The following TJP3 variants were observed in gnomAD, a reference collection of about 807,000 sequenced individuals.
TJP3 encodes tight junction protein 3.
Under a neutral mutation model 104.2 loss-of-function variants are expected in TJP3, and 85 were observed. The observed-to-expected ratio is 0.82, with a 90% CI of 0.68 to 0.98. TJP3 has a LOEUF of 0.98. Ranked by LOEUF, TJP3 falls within the 50% of genes least tolerant of loss-of-function variation. TJP3 has a pLI of 0.00. For synonymous variants in TJP3, 550 were observed against 550.6 expected, an observed-to-expected ratio of 1.00 and a Z score of 0.02; for missense variants, 1,367 against 1,322.8, an observed-to-expected ratio of 1.03 and a Z score of -0.52.
At chr19:3,731,878 G>A (rs1260659217) in intron 5 of TJP3, 57 bp from the exon 6 acceptor site, 19 of 1,477,274 alleles carry the variant, frequency 1.3e-5, no homozygotes, top group Non-Finnish European at 1.8e-5. Flanking sequence ...GCAGGAGAAT[G>A]CTCCCAGGCA....
intron 13 of TJP3, 46 bp from the exon 14 acceptor site, chr19:3,740,506 C>T: frequency 8.0e-7 from 1 of 1,254,118 alleles, no homozygotes; most frequent in Non-Finnish European, 1.0e-6. Context: ...TTGGGGCCAC[C>T]ATGCTGCTGA....
At chr19:3,717,918 T>TTA (rs1555736927) in intron 1 of TJP3, among the ~76,000 whole-genome samples, 4 of 132,394 alleles carry the variant, frequency 3.0e-5, no homozygotes, top group Non-Finnish European at 4.7e-5. Context: ...ACTGGCTAAT[T>TTA]AAAAAAAAAA....
chr19:3,742,957 ACT>A lies in TJP3; in HGVS notation c.1844-979_1844-978del, dbSNP rs1404135090. 3.5e-5 allele frequency among the ~76,000 whole-genome samples: 5 copies of A among 143,858 alleles called. No homozygotes were observed. The Admixed American group carries it at 3.5e-4, about 10-fold the overall frequency. The allele number at this position is 143,858 out of a possible 152,430, so 94.4% of individuals were successfully genotyped here. ...CCGCCAGCCTCGGTGACACAGCAAG[ACT>A]CTGTCTCAAAAAAATAAGTAAATAG... On this transcript the variant is annotated intron_variant, in intron 14 of 20. Transcript: ENST00000541714.
chr19:3,722,119 G>A (rs1252881734), intron 1 of TJP3, among the ~76,000 whole-genome samples: 1 of 152,162 alleles, frequency 6.6e-6, no homozygotes, highest in East Asian at 1.9e-4. Flanking sequence ...TGCCTCCAAA[G>A]ACCATCTCTT....
chr19:3,738,554 G>T lies in TJP3; in HGVS notation c.1285-1G>T. On this transcript the variant is annotated splice_acceptor_variant, in intron 11 of 20. Transcript: ENST00000541714. LOFTEE classifies it high-confidence loss of function. ...CTATAGCTGCACTTGCTTTCTGGCAGGTGAATGACGTGCCATTCCAGAACC... is the reference window on the plus strand; with the variant it reads ...CTATAGCTGCACTTGCTTTCTGGCATGTGAATGACGTGCCATTCCAGAACC... 1 of 1,612,494 alleles carries T rather than the reference G, an allele frequency of 6.2e-7. No homozygotes were observed. The highest frequency in any genetic ancestry group is 1.1e-5 in the South Asian group (1 of 90,950).
chr19:3,747,998 G>T lies in TJP3; in HGVS notation c.2527G>T (p.Ala843Ser). ...VDDEPPAPAL[A>S]RSSEPVQADE... Reference sequence around the variant, plus strand: ...TGATGAGCCCCCGGCTCCAGCCCTGGCCCGGTCCTCGGAGCCCGTGCAGGC... The same window carrying T: ...TGATGAGCCCCCGGCTCCAGCCCTGTCCCGGTCCTCGGAGCCCGTGCAGGC... The change falls in exon 19 of 21, where the codon GCC becomes TCC. Residue 843 changes from alanine to serine, a missense_variant. By Grantham distance (99) the Ala-to-Ser change is moderately conservative. Coordinates refer to ENST00000541714, the MANE Select transcript of TJP3 (RefSeq NM_001267560.2). The T allele has an allele frequency of 3.1e-6, 5 of 1,610,870 alleles. No homozygotes were observed. Among genetic ancestry groups the T allele is most frequent in the Non-Finnish European group, 2.5e-6 (3 of 1,179,020 alleles).
intron 1 of TJP3, chr19:3,721,529 G>T (rs1442315506): frequency 3.3e-5 from 6 of 182,716 alleles, no homozygotes; most frequent in Non-Finnish European, 5.7e-5. Flanking sequence ...ATTCCTGCCG[G>T]GTCTTGCTGG....
At chr19:3,712,216 T>C (rs1300762256) in intron 1 of TJP3, among the ~76,000 whole-genome samples, 1 of 152,224 alleles carries the variant, frequency 6.6e-6, no homozygotes, top group African/African-American at 2.4e-5. Context: ...CTTGGGAGGC[T>C]GAGGCAGGAG....
At chr19:3,728,734 G>A (rs1416072590) in intron 3 of TJP3, 21 bp downstream of exon 3, 2 of 1,611,184 alleles carry the variant, frequency 1.2e-6, no homozygotes, top group Admixed American at 3.4e-5. Context: ...AGGCAGCTGG[G>A]TTCTGGCGGG....
At chr19:3,748,543 C>G (rs2036938857) in intron 19 of TJP3, among the ~76,000 whole-genome samples, 1 of 148,364 alleles carries the variant, frequency 6.7e-6, no homozygotes, top group South Asian at 2.1e-4. Flanking sequence ...GCTGGGATTA[C>G]AGGCATGAGC....
rs1157200241 is a variant in TJP3, at chr19:3,746,522, T to C, written c.2048T>C (p.Ile683Thr). ...CTCCTGGATGTGACCCCCTCCGCCA[T>C]CGAGCGCCTCAACTATGTGCAGTAC... is the stretch of plus-strand genomic sequence containing the variant. ...HALLDVTPSA[I>T]ERLNYVQYYP... The change falls in exon 17 of 21, where the codon ATC (isoleucine) becomes ACC (threonine). Residue 683 changes from isoleucine to threonine, a missense_variant. Physicochemically the swap from Ile to Thr is moderately conservative, Grantham distance 89. Transcript: ENST00000541714. The surrounding 1 kb of genome is among the most constrained non-coding windows in gnomAD (Gnocchi z 4.1). 5 of 1,614,004 alleles carry C rather than the reference T, an allele frequency of 3.1e-6. No individual in the cohort carries two copies. The highest frequency in any genetic ancestry group is 1.3e-5 in the African/African-American group (1 of 75,030).
At chr19:3,738,178 G>C (rs556597383) in intron 11 of TJP3, among the ~76,000 whole-genome samples, 1 of 152,346 alleles carries the variant, frequency 6.6e-6, no homozygotes, top group African/African-American at 2.4e-5. Context: ...TCACGACCCT[G>C]TGACTACTGT....
chr19:3,737,223 A>G (rs1308593682), intron 11 of TJP3, among the ~76,000 whole-genome samples: 1 of 135,794 alleles, frequency 7.4e-6, no homozygotes, highest in Non-Finnish European at 1.7e-5. Context: ...GACATTGTTC[A>G]TGTGACATTC....
At chr19:3,748,941 C>T (rs2036948196) in intron 19 of TJP3, among the ~76,000 whole-genome samples, 2 of 148,538 alleles carry the variant, frequency 1.3e-5, no homozygotes, top group African/African-American at 5.0e-5. Flanking sequence ...TCACTGCAAC[C>T]TCGGCCTCCT....
chr19:3,712,821 C>G (rs1471330675), intron 1 of TJP3, among the ~76,000 whole-genome samples: 1 of 151,874 alleles, frequency 6.6e-6, no homozygotes, highest in East Asian at 1.9e-4. Flanking sequence ...GGGTGGCGTG[C>G]ACCTGTGGCC....
Position 3,750,632 on chromosome 19 carries a change from C to A in TJP3, c.2708C>A (p.Ala903Glu). 6.2e-7 allele frequency: 1 copy of A among 1,608,678 alleles called. No individual in the cohort carries two copies. Among genetic ancestry groups the A allele is most frequent in the Non-Finnish European group, 8.5e-7 (1 of 1,177,656 alleles). Residue 903 changes from alanine to glutamate, a missense_variant, in exon 21 of 21, where the codon GCG (alanine) becomes GAG (glutamate). Transcript: ENST00000541714. ...AAAAAGTTTATGCGAGTACATGATG[C>A]GGAGTCCTCCGATGAAGACGGCTAT... Reference protein sequence around the residue: ...LKKKFMRVHDAESSDEDGYDW... With the variant: ...LKKKFMRVHDEESSDEDGYDW...
In TJP3 at chr19:3,730,230, C is replaced by A; in HGVS notation, c.261+100C>A. On this transcript the variant is annotated intron_variant, in intron 4 of 20. Coordinates refer to ENST00000541714, the MANE Select transcript of TJP3 (RefSeq NM_001267560.2). This position sits in a 1 kb window ranked among gnomAD's most constrained non-coding sequence, Gnocchi z 7.3. ...TTCTGAGAGCAAGGAGTCATCTTCT[C>A]ATCTTACAGTTTGGACATTGAGGCC... 1 of 1,516,248 alleles carries A rather than the reference C, an allele frequency of 6.6e-7. No individual in the cohort carries two copies. Among genetic ancestry groups the A allele is most frequent in the Non-Finnish European group, 9.1e-7 (1 of 1,100,136 alleles). The allele number at this position is 1,516,248 out of a possible 1,614,324, so 93.9% of individuals were successfully genotyped here.
At chr19:3,735,275 C>T (rs1052557213) in intron 8 of TJP3, among the ~76,000 whole-genome samples, 7 of 152,138 alleles carry the variant, frequency 4.6e-5, no homozygotes, top group African/African-American at 1.7e-4. Flanking sequence ...TCTTGGCTCA[C>T]TGCAACCTCT....
At position 3,715,998 on chromosome 19, in the gene TJP3, C is replaced by T. The variant is rs186513512; in HGVS notation, c.-10+7437C>T. 1.4e-4 allele frequency among the ~76,000 whole-genome samples: 22 copies of T among 152,026 alleles called. No individual in the cohort carries two copies. In the East Asian group the frequency reaches 4.3e-3, roughly 30 times the overall value. On this transcript the variant is annotated intron_variant, in intron 1 of 20. Coordinates refer to ENST00000541714, the MANE Select transcript of TJP3 (RefSeq NM_001267560.2). ...TTCCCCATGTTGGCCAGGCTGGTCT[C>T]GAACTCCTGACCTCACGTGATCCAC...
Sources: allele counts gnomAD v4.1 joint callset (sites outside exome capture counted in the v4.1 genomes callset), GRCh38; gene constraint gnomAD v4.1.1; non-coding constraint Gnocchi (gnomAD v3.1); transcripts MANE v1.5; gene names NCBI Gene and HGNC (gene_info 2026-07-23, HGNC 2026-07-21).